Variants in IFT80 observed in about 807,000 individuals in gnomAD.
The protein encoded by IFT80 is intraflagellar transport 80.
IFT80 carries 79 observed loss-of-function variants against 107.9 expected under a neutral mutation model. That is an observed-to-expected ratio of 0.73 (90% CI 0.61 to 0.88). The LOEUF (loss-of-function observed/expected upper bound fraction) is 0.88. Ranked by LOEUF, IFT80 falls within the 40% of genes least tolerant of loss-of-function variation. The pLI is 0.00. For synonymous variants in IFT80, 299 were observed against 300.9 expected (o/e 0.99, Z 0.07); for missense variants, 797 against 914.2 (o/e 0.87, Z 1.65).
chr3:160,284,790 A>G (rs1406927734), intron 13 of IFT80, among the ~76,000 whole-genome samples: 1 of 152,196 alleles, frequency 6.6e-6, no homozygotes, highest in Admixed American at 6.5e-5. Context: ...CCAGAAAGAC[A>G]GTATTATATG....
At chr3:160,394,687 T>C (rs1192764324) in intron 1 of IFT80, among the ~76,000 whole-genome samples, 3 of 151,706 alleles carry the variant, frequency 2.0e-5, no homozygotes, top group African/African-American at 4.8e-5. Context: ...GAGGTGGAGG[T>C]TGCAGTGAGC....
intron 8 of IFT80, among the ~76,000 whole-genome samples, chr3:160,349,303 G>C (rs980318056): frequency 1.3e-5 from 2 of 151,994 alleles, no homozygotes; most frequent in Non-Finnish European, 2.9e-5. Context: ...GCAAAAATTC[G>C]CTGGGTACTG....
intron 9 of IFT80, among the ~76,000 whole-genome samples, chr3:160,316,320 C>T (rs1442867385): frequency 6.6e-6 from 1 of 152,098 alleles, no homozygotes; most frequent in Non-Finnish European, 1.5e-5. Context: ...TGTCAGTGAG[C>T]TTGAAAGCAA....
At chr3:160,353,794 T>A (rs1720875891) in intron 8 of IFT80, among the ~76,000 whole-genome samples, 2 of 151,496 alleles carry the variant, frequency 1.3e-5, no homozygotes, top group South Asian at 4.1e-4. Flanking sequence ...AGTAAAAGTC[T>A]TTATATCTTT....
chr3:160,269,208 G>T (rs1275938451), intron 18 of IFT80, among the ~76,000 whole-genome samples: 1 of 143,140 alleles, frequency 7.0e-6, no homozygotes, highest in East Asian at 2.0e-4. Flanking sequence ...CGGCCTGGGT[G>T]ACAGAGCGAG....
rs1407556272 is a variant in IFT80 at position 160,330,514 on chromosome 3, A to G, written c.778-10575T>C. 3.9e-5 allele frequency among the ~76,000 whole-genome samples: 6 copies of G among 152,198 alleles called. No individual in the cohort carries two copies. In the East Asian group the frequency reaches 7.7e-4, roughly 19 times the overall value. On this transcript the variant is annotated intron_variant, in intron 8 of 19. Transcript: ENST00000326448. Reference sequence around the variant, plus strand: ...CTTTTTATTTCTTTGAATTTCAAACATAAACTTAAGTAGGAATAATAATAC... The same window carrying G: ...CTTTTTATTTCTTTGAATTTCAAACGTAAACTTAAGTAGGAATAATAATAC...
intron 1 of IFT80, among the ~76,000 whole-genome samples, chr3:160,391,912 G>C (rs1713415204): frequency 6.6e-6 from 1 of 152,156 alleles, no homozygotes; most frequent in African/African-American, 2.4e-5. Context: ...ACTAATGCAG[G>C]GAATTATCTT....
intron 19 of IFT80, among the ~76,000 whole-genome samples, chr3:160,264,395 C>T (rs1713119643): frequency 6.6e-6 from 1 of 151,254 alleles, no homozygotes; most frequent in Admixed American, 6.6e-5. Context: ...AGGAATGAGA[C>T]TCTGTGCCTG....
At chr3:160,320,813 A>G (rs1718158062) in intron 8 of IFT80, among the ~76,000 whole-genome samples, 1 of 151,768 alleles carries the variant, frequency 6.6e-6, no homozygotes, top group African/African-American at 2.4e-5. Context: ...TTTTTCCAGA[A>G]ATACTCATTA....
intron 18 of IFT80, among the ~76,000 whole-genome samples, chr3:160,270,133 T>C (rs1241873433): frequency 1.3e-5 from 2 of 152,208 alleles, no homozygotes; most frequent in Non-Finnish European, 2.9e-5. Flanking sequence ...CCCAAGTAGC[T>C]GGGAATACAG....
At chr3:160,275,464 T>G (rs1423181123) in intron 18 of IFT80, among the ~76,000 whole-genome samples, 1 of 152,218 alleles carries the variant, frequency 6.6e-6, no homozygotes, top group Non-Finnish European at 1.5e-5. Flanking sequence ...ATCTTTCCCC[T>G]TATGGATTAT....
At chr3:160,286,764 T>C (rs143145887) in intron 12 of IFT80, among the ~76,000 whole-genome samples, 1 of 152,340 alleles carries the variant, frequency 6.6e-6, no homozygotes, top group East Asian at 1.9e-4. Context: ...TCTACTATAA[T>C]GCCAGGCAAC....
chr3:160,358,574 C>G (rs534650610), intron 6 of IFT80, among the ~76,000 whole-genome samples: 102 of 151,092 alleles, frequency 6.8e-4, no homozygotes, highest in African/African-American at 2.3e-3. Flanking sequence ...CCAGTACCTC[C>G]CATTGATATG....
chr3:160,263,664 G>T (rs952243361), intron 19 of IFT80, among the ~76,000 whole-genome samples: 1 of 151,962 alleles, frequency 6.6e-6, no homozygotes, highest in Non-Finnish European at 1.5e-5. Flanking sequence ...ATTTTATTAT[G>T]TATTTCTTTA....
intron 8 of IFT80, among the ~76,000 whole-genome samples, chr3:160,320,882 C>T (rs531804155): frequency 6.6e-6 from 1 of 151,872 alleles, no homozygotes; most frequent in East Asian, 1.9e-4. Flanking sequence ...TAAAGATTTA[C>T]TAATTGATGC....
At chr3:160,363,084 G>A (rs1488574324) in intron 6 of IFT80, among the ~76,000 whole-genome samples, 1 of 152,142 alleles carries the variant, frequency 6.6e-6, no homozygotes, top group African/African-American at 2.4e-5. Flanking sequence ...AATTGTCCCT[G>A]TTTGCAGATG....
chr3:160,283,037 A>G (rs1021363719), intron 13 of IFT80, among the ~76,000 whole-genome samples: 1 of 152,212 alleles, frequency 6.6e-6, no homozygotes, highest in East Asian at 1.9e-4. Flanking sequence ...GTGGAAATAC[A>G]TCATGTGTCC....
chr3:160,261,186 C>T (rs1304958974), intron 19 of IFT80, among the ~76,000 whole-genome samples: 2 of 152,130 alleles, frequency 1.3e-5, no homozygotes, highest in Non-Finnish European at 2.9e-5. Flanking sequence ...CTCTCATTCT[C>T]TTCCCTGTCC....
intron 11 of IFT80, among the ~76,000 whole-genome samples, chr3:160,302,295 C>T (rs1334892319): frequency 6.6e-6 from 1 of 152,020 alleles, no homozygotes; most frequent in Non-Finnish European, 1.5e-5. Context: ...ACATACACTT[C>T]AATTAAATTA....
Sources: allele counts gnomAD v4.1 joint callset (sites outside exome capture counted in the v4.1 genomes callset), GRCh38; gene constraint gnomAD v4.1.1; transcripts MANE v1.5; gene names NCBI Gene and HGNC (gene_info 2026-07-23, HGNC 2026-07-21).